STK38L: variants seen among roughly 807,000 people sequenced by gnomAD.
The protein encoded by STK38L is serine/threonine kinase 38 like, also known as serine/threonine-protein kinase 38-like.
In STK38L, 28 loss-of-function variants were observed where a neutral mutation model predicts 59.7. The ratio of observed to expected loss-of-function variants is 0.47; its 90% CI spans 0.35 to 0.64. STK38L has a LOEUF of 0.64. Ranked by LOEUF, STK38L falls within the 30% of genes least tolerant of loss-of-function variation. STK38L has a pLI of 0.01. For missense variants in STK38L, 314 were observed against 555.8 expected (o/e 0.56, Z 4.37); for synonymous variants, 162 against 176.8 (o/e 0.92, Z 0.66).
At chr12:27,261,671 G>C (rs1327504308) in intron 1 of STK38L, among the ~76,000 whole-genome samples, 5 of 152,064 alleles carry the variant, frequency 3.3e-5, no homozygotes, top group Admixed American at 1.3e-4. Context: ...AAATTACATA[G>C]TGATTAGAAA....
rs192797118 is a variant in STK38L, at chr12:27,321,041, T to C, written c.1176-1102T>C. 1.3e-4 allele frequency among the ~76,000 whole-genome samples: 20 copies of C among 152,296 alleles called. No individual in the cohort carries two copies. The East Asian group carries it at 3.9e-3, about 29-fold the overall frequency. The stretch of plus-strand genomic sequence containing the variant: ...TGGTTTTATAATGAGGGAACAGTCA[T>C]GGAGCAGGGATTTGGCTGCCTAAGG... On this transcript the variant is annotated intron_variant, in intron 12 of 13. Transcript: ENST00000389032.
At chr12:27,259,988 G>T (rs1330790476) in intron 1 of STK38L, among the ~76,000 whole-genome samples, 1 of 152,112 alleles carries the variant, frequency 6.6e-6, no homozygotes, top group African/African-American at 2.4e-5. Context: ...CCAGAACTCT[G>T]TTTCTTATAT....
At chr12:27,263,247 G>T (rs76000486) in intron 1 of STK38L, among the ~76,000 whole-genome samples, 1 of 152,216 alleles carries the variant, frequency 6.6e-6, no homozygotes, top group South Asian at 2.1e-4. Context: ...TTTCTTATCA[G>T]TTGGCAGTTA....
intron 10 of STK38L, 32 bp downstream of exon 10, chr12:27,317,485 A>G: frequency 6.7e-6 from 10 of 1,492,180 alleles, no homozygotes; most frequent in Non-Finnish European, 9.2e-6. Flanking sequence ...TGTACAAAAT[A>G]TATACATTTC....
At chr12:27,248,060 C>G (rs1455464790) in intron 1 of STK38L, among the ~76,000 whole-genome samples, 5 of 152,170 alleles carry the variant, frequency 3.3e-5, no homozygotes, top group African/African-American at 1.2e-4. Flanking sequence ...AGTGATCCTC[C>G]TGCCTTGGCC....
chr12:27,310,757 T>C (rs1442426860), intron 5 of STK38L, among the ~76,000 whole-genome samples: 2 of 152,180 alleles, frequency 1.3e-5, no homozygotes, highest in Non-Finnish European at 2.9e-5. Flanking sequence ...TCTACAATAT[T>C]TTGTGGGAAG....
chr12:27,315,415 T>G, intron 9 of STK38L, 65 bp downstream of exon 9: 1 of 1,288,426 alleles, frequency 7.8e-7, no homozygotes, highest in Non-Finnish European at 1.1e-6. Flanking sequence ...GGTTTTAACT[T>G]GATTATTTTT....
chr12:27,283,722 A>G (rs891312170), intron 1 of STK38L, among the ~76,000 whole-genome samples: 3 of 152,204 alleles, frequency 2.0e-5, no homozygotes, highest in Admixed American at 1.3e-4. Context: ...CCAGTTTGGA[A>G]AGAAAATAGT....
In STK38L at chr12:27,319,435, G is replaced by C; in HGVS notation, c.1175+12G>C. On this transcript the variant is annotated intron_variant, in intron 12 of 13. Transcript: ENST00000389032. Reference sequence around the variant, plus strand: ...TGGGAGCACATAAGGTATGTTCCTAGGCTTTGAATGGGAAAGGTCTGAGTA... The same window carrying C: ...TGGGAGCACATAAGGTATGTTCCTACGCTTTGAATGGGAAAGGTCTGAGTA... 6.3e-7 allele frequency: 1 copy of C among 1,593,478 alleles called. No individual in the cohort carries two copies. Among genetic ancestry groups the C allele is most frequent in the Middle Eastern group, 1.7e-4 (1 of 6,012 alleles).
intron 1 of STK38L, among the ~76,000 whole-genome samples, chr12:27,296,396 C>A (rs780755273): frequency 1.3e-5 from 2 of 152,202 alleles, no homozygotes; most frequent in Non-Finnish European, 2.9e-5. Flanking sequence ...GAGGCTCAAG[C>A]AGTACATTGA....
At chr12:27,315,975 A>G (rs551734437) in intron 9 of STK38L, among the ~76,000 whole-genome samples, 8 of 152,290 alleles carry the variant, frequency 5.3e-5, no homozygotes, top group African/African-American at 1.2e-4. Context: ...TGGTCCATCA[A>G]CAGTCTACAG....
At chr12:27,318,309 G>A (rs938143907) in intron 11 of STK38L, among the ~76,000 whole-genome samples, 1 of 152,168 alleles carries the variant, frequency 6.6e-6, no homozygotes, top group African/African-American at 2.4e-5. Context: ...AAGAGAAAAA[G>A]GAAAATGTTA....
chr12:27,304,724 A>G (rs979768507), intron 3 of STK38L, among the ~76,000 whole-genome samples: 3 of 152,116 alleles, frequency 2.0e-5, no homozygotes, highest in African/African-American at 7.2e-5. Flanking sequence ...AATCTTAAAC[A>G]TAAGATCTTA....
intron 1 of STK38L, among the ~76,000 whole-genome samples, chr12:27,247,619 T>A (rs1202902774): frequency 6.6e-6 from 1 of 152,240 alleles, no homozygotes; most frequent in Non-Finnish European, 1.5e-5. Context: ...AGTGAGAAGT[T>A]ATTCCATATT....
chr12:27,310,944 A>C (rs1442831136), intron 5 of STK38L, among the ~76,000 whole-genome samples: 1 of 152,308 alleles, frequency 6.6e-6, no homozygotes, highest in South Asian at 2.1e-4. Context: ...ACTCAATTCT[A>C]ATACATCAAT....
At chr12:27,264,037 G>T (rs1034230056) in intron 1 of STK38L, among the ~76,000 whole-genome samples, 1 of 152,188 alleles carries the variant, frequency 6.6e-6, no homozygotes, top group Admixed American at 6.5e-5. Context: ...GTTGATTATG[G>T]TATGTCTTCT....
chr12:27,322,353 C>G lies in STK38L; in HGVS notation c.1293C>G (p.Tyr431Ter). 6.2e-7 allele frequency: 1 copy of G among 1,614,028 alleles called. No homozygotes were observed. Among genetic ancestry groups the G allele is most frequent in the Non-Finnish European group, 8.5e-7 (1 of 1,179,936 alleles). The stretch of plus-strand genomic sequence containing the variant: ...TGCCAAATACCACAGAACCGGACTA[C>G]AAATCCAAAGACTGGGTTTTTCTCA... Reference protein sequence around the residue: ...QPVPNTTEPDYKSKDWVFLNY... With the variant: ...QPVPNTTEPD Residue 431 changes from tyrosine (Y) to a stop codon, truncating the protein, a stop_gained, in exon 14 of 14, where the codon TAC becomes TAG. Coordinates refer to ENST00000389032, the MANE Select transcript of STK38L (RefSeq NM_015000.4). LOFTEE classifies it high-confidence loss of function.
chr12:27,311,917 G>A (rs1316356804), intron 5 of STK38L, among the ~76,000 whole-genome samples: 1 of 151,224 alleles, frequency 6.6e-6, no homozygotes, highest in Non-Finnish European at 1.5e-5. Flanking sequence ...GTCTCGTTCT[G>A]TCACCAAGCT....
chr12:27,311,329 C>A (rs1044684208), intron 5 of STK38L, among the ~76,000 whole-genome samples: 2 of 152,184 alleles, frequency 1.3e-5, no homozygotes, highest in Non-Finnish European at 2.9e-5. Context: ...TCAACTCTTA[C>A]GCTTTGATCT....
Sources: allele counts gnomAD v4.1 joint callset (sites outside exome capture counted in the v4.1 genomes callset), GRCh38; gene constraint gnomAD v4.1.1; transcripts MANE v1.5; gene names NCBI Gene and HGNC (gene_info 2026-07-23, HGNC 2026-07-21).